The following FLRT2 variants were observed in gnomAD, a reference collection of about 807,000 sequenced individuals.
FLRT2 encodes fibronectin leucine rich transmembrane protein 2, also known as leucine-rich repeat transmembrane protein FLRT2.
Under a neutral mutation model 40.0 loss-of-function variants are expected in FLRT2, and 15 were observed. The observed-to-expected ratio is 0.38, with a 90% CI of 0.25 to 0.58. The LOEUF (loss-of-function observed/expected upper bound fraction) is 0.58, where lower values mean the gene tolerates loss of function less well. Ranked by LOEUF, FLRT2 falls within the 20% of genes least tolerant of loss-of-function variation. FLRT2 has a pLI of 0.71. For missense variants in FLRT2, 726 were observed against 840.0 expected, an observed-to-expected ratio of 0.86 and a Z score of 1.68; for synonymous variants, 380 against 336.8, an observed-to-expected ratio of 1.13 and a Z score of -1.41.
chr14:85,567,138 G>A (rs12886918), intron 1 of FLRT2, among the ~76,000 whole-genome samples: 43,863 of 151,872 alleles, frequency 0.29, 6,936 homozygotes, highest in Middle Eastern at 0.4. Context: ...CTGCAAACAC[G>A]TGCATAAAGT....
At chr14:85,538,448 T>A (rs1374856325) in intron 1 of FLRT2, among the ~76,000 whole-genome samples, 5 of 152,148 alleles carry the variant, frequency 3.3e-5, no homozygotes, top group Non-Finnish European at 7.4e-5. Flanking sequence ...TCATTAGAAC[T>A]GAGCAGTTTT....
intron 1 of FLRT2, among the ~76,000 whole-genome samples, chr14:85,556,401 T>TAAA (rs1566725525): frequency 1.3e-5 from 2 of 152,234 alleles, no homozygotes. Flanking sequence ...ATGTTAGTGA[T>TAAA]AAAATACTGT....
chr14:85,572,050 T>C (rs897633188), intron 1 of FLRT2, among the ~76,000 whole-genome samples: 2 of 152,212 alleles, frequency 1.3e-5, no homozygotes, highest in Non-Finnish European at 2.9e-5. Flanking sequence ...ACCCCCAGCC[T>C]AGACAGCTAT....
In FLRT2 at chr14:85,628,388, C is replaced by A. The variant is rs573199132; in HGVS notation, c.*4891C>A. 6.6e-6 allele frequency: 1 copy of A among 152,262 alleles called. No individual in the cohort carries two copies. The highest frequency in any genetic ancestry group is 2.1e-4 in the South Asian group (1 of 4,812). 9.4% of individuals were successfully genotyped at this position (152,262 alleles called of 1,614,324 possible). A position where few individuals can be genotyped will look rare whatever the true frequency, so the allele number is the denominator to read the frequency against. On this transcript the variant is annotated 3_prime_UTR_variant, in exon 2 of 2. Transcript: ENST00000330753. ...CTCCTAGATGCAAGCAATCATCCCA[C>A]CTCGATCACCCAAAGTGCTGGGAGT...
intron 1 of FLRT2, among the ~76,000 whole-genome samples, chr14:85,566,798 CT>C (rs1205274939): frequency 6.6e-6 from 1 of 151,698 alleles, no homozygotes; most frequent in Non-Finnish European, 1.5e-5. Flanking sequence ...GAACATATCC[CT>C]TCTATGTATT....
chr14:85,590,791 T>C (rs1385840665), intron 1 of FLRT2, among the ~76,000 whole-genome samples: 4 of 152,164 alleles, frequency 2.6e-5, no homozygotes, highest in African/African-American at 9.6e-5. Context: ...AGAGATGGGG[T>C]TTCACCATAT....
At chr14:85,539,887 T>C (rs550099784) in intron 1 of FLRT2, among the ~76,000 whole-genome samples, 9 of 152,330 alleles carry the variant, frequency 5.9e-5, no homozygotes, top group Non-Finnish European at 1.5e-5. Flanking sequence ...ATCTAACCAA[T>C]ACACTGGCTG....
In FLRT2 at chr14:85,643,825, C is replaced by G. The variant is rs1894226321; in HGVS notation, c.*20328C>G. On this transcript the variant is annotated 3_prime_UTR_variant, in exon 2 of 2. Transcript: ENST00000330753. The stretch of plus-strand genomic sequence containing the variant: ...TGGGGTTGGTGGAATCCTGGAGTGA[C>G]AGAGAACAAACGACAACATTTAGTC... 6.6e-6 allele frequency: 1 copy of G among 152,180 alleles called. No homozygotes were observed. The highest frequency in any genetic ancestry group is 2.4e-5 in the African/African-American group (1 of 41,440). The allele number at this position is 152,180 out of a possible 1,614,324, so 9.4% of individuals were successfully genotyped here. A position where few individuals can be genotyped will look rare whatever the true frequency, so the allele number is the denominator to read the frequency against.
At position 85,622,807 on chromosome 14, in the gene FLRT2, T is replaced by C; in HGVS notation, c.1293T>C (p.Phe431=). 1.2e-6 allele frequency: 2 copies of C among 1,614,170 alleles called. No individual in the cohort carries two copies. The highest frequency in any genetic ancestry group is 1.7e-6 in the Non-Finnish European group (2 of 1,180,020). Residue 431 remains phenylalanine (F), a synonymous_variant, in exon 2 of 2, where the codon TTT becomes TTC. Transcript: ENST00000330753. ...ISERIQLSIH[F]VNDTSIQVSW... ...AACGGATCCAGCTCTCTATCCATTT[T>C]GTGAATGATACTTCCATTCAAGTCA...
At chr14:85,550,665 A>G (rs1227279823) in intron 1 of FLRT2, among the ~76,000 whole-genome samples, 1 of 152,166 alleles carries the variant, frequency 6.6e-6, no homozygotes, top group Admixed American at 6.5e-5. Flanking sequence ...CTTTACCTAC[A>G]TTTCAGTTTA....
At chr14:85,611,591 T>A (rs1054993967) in intron 1 of FLRT2, among the ~76,000 whole-genome samples, 11 of 152,110 alleles carry the variant, frequency 7.2e-5, no homozygotes, top group Admixed American at 7.2e-4. Flanking sequence ...GTCTTGGAGA[T>A]GTAGTACTTT....
At chr14:85,620,419 C>G (rs1893329257) in intron 1 of FLRT2, among the ~76,000 whole-genome samples, 1 of 152,028 alleles carries the variant, frequency 6.6e-6, no homozygotes. Flanking sequence ...AATGAATAAT[C>G]TTTATCACCT....
Position 85,632,789 on chromosome 14 carries a change from T to C in FLRT2, c.*9292T>C, listed in dbSNP as rs956291620. On this transcript the variant is annotated 3_prime_UTR_variant, in exon 2 of 2. Transcript: ENST00000330753. ...AGAAGGGAGTGGAGAGTGGTAGTTA[T>C]TAAGAAATCAGTTTGAAATCAAGCT... 1.3e-5 allele frequency: 2 copies of C among 152,246 alleles called. No individual in the cohort carries two copies. The highest frequency in any genetic ancestry group is 2.4e-5 in the African/African-American group (1 of 41,470). The allele number at this position is 152,246 out of a possible 1,614,324, so 9.4% of individuals were successfully genotyped here.
Position 85,651,180 on chromosome 14 carries a change from G to A in FLRT2, c.*27683G>A, listed in dbSNP as rs570832253. On this transcript the variant is annotated 3_prime_UTR_variant, in exon 2 of 2. Coordinates refer to ENST00000330753, the MANE Select transcript of FLRT2 (RefSeq NM_013231.6). The stretch of plus-strand genomic sequence containing the variant: ...AGGATAATGTCTCAAAACTTTTTTG[G>A]TATATAGATATCTTTAATTACATAT... 9.9e-5 allele frequency: 15 copies of A among 151,120 alleles called. No homozygotes were observed. The highest frequency in any genetic ancestry group is 1.9e-4 in the Non-Finnish European group (13 of 67,754). The allele number at this position is 151,120 out of a possible 1,614,324, so 9.4% of individuals were successfully genotyped here.
intron 1 of FLRT2, among the ~76,000 whole-genome samples, chr14:85,560,529 C>T (rs1342347641): frequency 6.6e-5 from 10 of 151,448 alleles, no homozygotes; most frequent in Admixed American, 1.3e-4. Context: ...TGCAGTGAGC[C>T]GAGATCGCAC....
rs1894372254 is a variant in FLRT2, at chr14:85,649,066, C to T, written c.*25569C>T. ...TCTCCCTGTCAATATGCCTATTACC[C>T]CAATATAATTTAAGATTGACAGGGA... is the stretch of plus-strand genomic sequence containing the variant. On this transcript the variant is annotated 3_prime_UTR_variant, in exon 2 of 2. Coordinates refer to ENST00000330753, the MANE Select transcript of FLRT2 (RefSeq NM_013231.6). 6.6e-6 allele frequency: 1 copy of T among 151,964 alleles called. No individual in the cohort carries two copies. Among genetic ancestry groups the T allele is most frequent in the African/African-American group, 2.4e-5 (1 of 41,380 alleles). The allele number at this position is 151,964 out of a possible 1,614,324, so 9.4% of individuals were successfully genotyped here.
rs904773471 is a variant in FLRT2, at chr14:85,622,905, G to A, written c.1391G>A (p.Gly464Asp). ...AAAATGGGCCACAGTTTAGTAGGGG[G>A]CATCGTTCAGGAGCGCATAGTCAGC... Reference protein sequence around the residue: ...WVKMGHSLVGGIVQERIVSGE... With the variant: ...WVKMGHSLVGDIVQERIVSGE... The change falls in exon 2 of 2, where the codon GGC becomes GAC. Residue 464 changes from glycine to aspartate, a missense_variant. This residue lies in a region of FLRT2 where 611 missense variants were observed against 690.0 expected (regional missense o/e 0.89). Transcript: ENST00000330753. The A allele has an allele frequency of 6.2e-6, 10 of 1,614,070 alleles. No individual in the cohort carries two copies. The highest frequency in any genetic ancestry group is 8.5e-6 in the Non-Finnish European group (10 of 1,180,034).
intron 1 of FLRT2, among the ~76,000 whole-genome samples, chr14:85,553,242 A>G (rs1955418): frequency 0.85 from 128,930 of 152,178 alleles, 56,116 homozygotes; most frequent in Non-Finnish European, 0.95. Flanking sequence ...TATTGGCCAC[A>G]AAACACAGAT....
rs916552046 is a variant in FLRT2 at position 85,620,216 on chromosome 14, CT to C, written c.-376-915del. Among the ~76,000 whole-genome samples the C allele has an allele frequency of 7.2e-5, 11 of 151,842 alleles. 1 individual carries two copies. The highest frequency in any genetic ancestry group is 2.0e-4 in the Admixed American group (3 of 15,264). On this transcript the variant is annotated intron_variant, in intron 1 of 1. Transcript: ENST00000330753. Reference sequence around the variant, plus strand: ...GCTTCTGTTCACTACGTTTATACTACTTTTTTTTCTTTGAAAAATTTTTTCT... The same window carrying C: ...GCTTCTGTTCACTACGTTTATACTACTTTTTTTCTTTGAAAAATTTTTTCT...
Sources: allele counts gnomAD v4.1 joint callset (sites outside exome capture counted in the v4.1 genomes callset), GRCh38; gene constraint gnomAD v4.1.1; regional missense constraint gnomAD v4.1.1; transcripts MANE v1.5; gene names NCBI Gene and HGNC (gene_info 2026-07-23, HGNC 2026-07-21).